NDST4: variants seen among roughly 807,000 people sequenced by gnomAD.
NDST4 encodes the protein N-heparan sulfate sulfotransferase 4.
Under a neutral mutation model 100.8 loss-of-function variants are expected in NDST4, and 63 were observed. That is an observed-to-expected ratio of 0.62 (90% CI 0.51 to 0.77). NDST4 has a LOEUF of 0.77. NDST4 is among the 30% of genes least tolerant of loss of function. NDST4 has a pLI of 0.00. For missense variants in NDST4, 943 were observed against 1,018.4 expected (o/e 0.93, Z 1.01); for synonymous variants, 377 against 361.8 (o/e 1.04, Z -0.48).
intron 2 of NDST4, among the ~76,000 whole-genome samples, chr4:115,026,932 T>G (rs1456489654): frequency 6.6e-6 from 1 of 152,144 alleles, no homozygotes; most frequent in African/African-American, 2.4e-5. Context: ...AACTTGCATT[T>G]GAAGAAAGAA....
At chr4:114,902,995 C>T (rs953238083) in intron 6 of NDST4, among the ~76,000 whole-genome samples, 1 of 152,024 alleles carries the variant, frequency 6.6e-6, no homozygotes, top group African/African-American at 2.4e-5. Context: ...TTGCTTGCTG[C>T]CTAGTTTAAC....
At chr4:115,022,404 C>CAT (rs374089657) in intron 2 of NDST4, among the ~76,000 whole-genome samples, 2,196 of 14,806 alleles carry the variant, frequency 0.15, 105 homozygotes, top group Non-Finnish European at 0.21. Context: ...ATATGTGTTC[C>CAT]ATATATATGT....
intron 6 of NDST4, among the ~76,000 whole-genome samples, chr4:114,897,547 A>G (rs905890535): frequency 6.6e-6 from 1 of 152,224 alleles, no homozygotes; most frequent in Non-Finnish European, 1.5e-5. Flanking sequence ...ATTGGTGTGC[A>G]CAATTTTGTG....
intron 7 of NDST4, among the ~76,000 whole-genome samples, chr4:114,853,793 T>C (rs1723730832): frequency 6.6e-6 from 1 of 152,238 alleles, no homozygotes; most frequent in South Asian, 2.1e-4. Context: ...CTTTAATCAG[T>C]TCCTTTTTCA....
At chr4:115,102,348 C>T (rs557687) in intron 1 of NDST4, among the ~76,000 whole-genome samples, 116,727 of 151,502 alleles carry the variant, frequency 0.77, 45,596 homozygotes, top group African/African-American at 0.89. Flanking sequence ...CTGACTTATG[C>T]ATAAATAAAG....
intron 6 of NDST4, among the ~76,000 whole-genome samples, chr4:114,885,822 C>A (rs1331837170): frequency 2.0e-5 from 3 of 151,954 alleles, no homozygotes; most frequent in Non-Finnish European, 4.4e-5. Context: ...AAATTTTATA[C>A]ACATTTCAAT....
At position 114,953,805 on chromosome 4, in the gene NDST4, C is replaced by T. The variant is rs531026810; in HGVS notation, c.1222-16302G>A. On this transcript the variant is annotated intron_variant, in intron 4 of 13. Transcript: ENST00000264363. ...GAATAATATAAGAAATGTATGCATA[C>T]TTAATATCAACAGCAAAACTAATTA... is the stretch of plus-strand genomic sequence containing the variant. Among the ~76,000 whole-genome samples the T allele has an allele frequency of 2.0e-5, 3 of 152,160 alleles. No individual in the cohort carries two copies. In the South Asian group the frequency reaches 6.2e-4, roughly 32 times the overall value.
intron 6 of NDST4, among the ~76,000 whole-genome samples, chr4:114,892,463 A>G (rs1724618520): frequency 6.6e-6 from 1 of 152,078 alleles, no homozygotes; most frequent in South Asian, 2.1e-4. Flanking sequence ...GTAAAATGTT[A>G]TCTTTCTTTT....
intron 2 of NDST4, among the ~76,000 whole-genome samples, chr4:115,003,466 G>C (rs1194821658): frequency 6.6e-6 from 1 of 152,050 alleles, no homozygotes; most frequent in East Asian, 1.9e-4. Context: ...CAGATTTTAT[G>C]TCGCCTTTAC....
At chr4:115,029,543 G>T (rs901741535) in intron 2 of NDST4, among the ~76,000 whole-genome samples, 1 of 152,078 alleles carries the variant, frequency 6.6e-6, no homozygotes, top group African/African-American at 2.4e-5. Flanking sequence ...TTGACATCTA[G>T]GATAAAGTAG....
At chr4:114,910,186 C>A (rs1219842412) in intron 6 of NDST4, among the ~76,000 whole-genome samples, 1 of 152,150 alleles carries the variant, frequency 6.6e-6, no homozygotes, top group Non-Finnish European at 1.5e-5. Context: ...CACATTCTCT[C>A]AAGATCCACT....
At chr4:115,072,250 A>C (rs693155) in intron 2 of NDST4, among the ~76,000 whole-genome samples, 24,099 of 152,070 alleles carry the variant, frequency 0.16, 2,319 homozygotes, top group East Asian at 0.46. Context: ...AAGTAGAAAA[A>C]TTAATATTGT....
At chr4:114,855,950 T>C (rs1723784002) in intron 7 of NDST4, among the ~76,000 whole-genome samples, 2 of 152,236 alleles carry the variant, frequency 1.3e-5, no homozygotes, top group Admixed American at 1.3e-4. Flanking sequence ...TTCTCAAATT[T>C]GCATTTCATA....
At chr4:114,921,560 T>G (rs1725285789) in intron 6 of NDST4, among the ~76,000 whole-genome samples, 1 of 152,200 alleles carries the variant, frequency 6.6e-6, no homozygotes, top group Non-Finnish European at 1.5e-5. Context: ...TATTTATATT[T>G]TTTGTCCAAA....
chr4:114,922,364 C>T (rs562977774), intron 6 of NDST4, among the ~76,000 whole-genome samples: 1 of 152,154 alleles, frequency 6.6e-6, no homozygotes, highest in Non-Finnish European at 1.5e-5. Context: ...ACACACCATG[C>T]ATGCTCACCT....
At position 114,919,925 on chromosome 4, in the gene NDST4, T is replaced by C. The variant is rs115871771; in HGVS notation, c.1536+15281A>G. 4.0e-3 allele frequency among the ~76,000 whole-genome samples: 602 copies of C among 152,240 alleles called. 2 individuals carry two copies. The highest frequency in any genetic ancestry group is 0.014 in the African/African-American group (569 of 41,538). ...TGAATTTATTCATTCAACAGATATA[T>C]AATAGAACCTACTATAGGTACACAC... On this transcript the variant is annotated intron_variant, in intron 6 of 13. Transcript: ENST00000264363.
intron 12 of NDST4, among the ~76,000 whole-genome samples, chr4:114,832,066 G>A (rs1219255636): frequency 6.6e-6 from 1 of 152,092 alleles, no homozygotes; most frequent in Non-Finnish European, 1.5e-5. Flanking sequence ...CTTCAAAAGT[G>A]TAATTTTACA....
chr4:115,027,362 G>A (rs2126268140), intron 2 of NDST4, among the ~76,000 whole-genome samples: 1 of 152,120 alleles, frequency 6.6e-6, no homozygotes, highest in South Asian at 2.1e-4. Flanking sequence ...TAGATTTCTG[G>A]GTGAGATCAT....
At chr4:115,073,436 C>G (rs566430112) in intron 2 of NDST4, among the ~76,000 whole-genome samples, 1 of 151,838 alleles carries the variant, frequency 6.6e-6, no homozygotes, top group African/African-American at 2.4e-5. Flanking sequence ...AGTGGATAAA[C>G]GGATAAAGAA....
Sources: allele counts gnomAD v4.1 joint callset (sites outside exome capture counted in the v4.1 genomes callset), GRCh38; gene constraint gnomAD v4.1.1; transcripts MANE v1.5; gene names NCBI Gene and HGNC (gene_info 2026-07-23, HGNC 2026-07-21).